TRPV5: variants seen among roughly 807,000 people sequenced by gnomAD.
The protein encoded by TRPV5 is calcium transport protein 2.
In TRPV5, 66 loss-of-function variants were observed where a neutral mutation model predicts 74.1. The ratio of observed to expected loss-of-function variants is 0.89; its 90% CI spans 0.73 to 1.09. The LOEUF is 1.09. TRPV5 is among the 50% of genes least tolerant of loss of function. The probability of loss-of-function intolerance (pLI) is 0.00; values close to 1 mark genes in which losing one functional copy is unlikely to be tolerated. For synonymous variants in TRPV5, 399 were observed against 360.7 expected, an observed-to-expected ratio of 1.11 and a Z score of -1.20; for missense variants, 936 against 930.4, an observed-to-expected ratio of 1.01 and a Z score of -0.08.
chr7:142,930,018 C>T (rs1233323203), intron 3 of TRPV5, 40 bp downstream of exon 3: 1 of 1,613,574 alleles, frequency 6.2e-7, no homozygotes, highest in South Asian at 1.1e-5. Context: ...CACCCTCCAT[C>T]TCAAAGTTTC....
chr7:142,926,785 C>T (rs1376181097), intron 7 of TRPV5, among the ~76,000 whole-genome samples: 1 of 152,188 alleles, frequency 6.6e-6, no homozygotes, highest in Non-Finnish European at 1.5e-5. Flanking sequence ...TGGGATTGTG[C>T]TTTTAATACC....
chr7:142,927,768 TG>T (rs4252422), intron 7 of TRPV5, among the ~76,000 whole-genome samples: 7,471 of 152,318 alleles, frequency 0.049, 277 homozygotes, highest in Non-Finnish European at 0.075. Context: ...ATGAAATTTT[TG>T]CATTTGGACA....
chr7:142,926,101 G>T (rs4252432), intron 7 of TRPV5, among the ~76,000 whole-genome samples: 24 of 152,036 alleles, frequency 1.6e-4, no homozygotes, highest in Non-Finnish European at 3.1e-4. Flanking sequence ...TTGGGGAGAG[G>T]GGAGAATCTA....
rs200576475 is a variant in TRPV5 at position 142,909,490 on chromosome 7, C to T, written c.1895G>A (p.Arg632Gln). 8.1e-6 allele frequency: 13 copies of T among 1,613,688 alleles called. No individual in the cohort carries two copies. In the Admixed American group the frequency reaches 1.0e-4, roughly 12 times the overall value. Residue 632 changes from arginine to glutamine, a missense_variant and splice_region_variant, in exon 14 of 15, where the codon CGG becomes CAG. Physicochemically the swap from Arg to Gln is conservative, Grantham distance 43 (BLOSUM62 1). Coordinates refer to ENST00000265310, the MANE Select transcript of TRPV5 (RefSeq NM_019841.7). ...TTTGCATGTGCACACCATCACTCACCGCAGGAACCAGCGGTCCCCCAGCCC... is the reference window on the plus strand; with the variant it reads ...TTTGCATGTGCACACCATCACTCACTGCAGGAACCAGCGGTCCCCCAGCCC... The part of the protein sequence containing the change: ...EFGLGDRWFL[R>Q]VENHNDQNPL...
intron 10 of TRPV5, 68 bp downstream of exon 10, chr7:142,915,239 G>A: frequency 6.3e-7 from 1 of 1,582,560 alleles, no homozygotes; most frequent in African/African-American, 1.4e-5. Context: ...AGAACTCAGA[G>A]AGTGAGCTGG....
In TRPV5 at chr7:142,915,352, C is replaced by G; in HGVS notation, c.1241G>C (p.Arg414Pro). The G allele has an allele frequency of 6.2e-7, 1 of 1,606,684 alleles. No individual in the cohort carries two copies. The highest frequency in any genetic ancestry group is 1.1e-5 in the South Asian group (1 of 89,954). Residue 414 changes from arginine to proline, a missense_variant, in exon 10 of 15, where the codon CGC (arginine) becomes CCC (proline). Arg to Pro is a moderately radical substitution (Grantham distance 103). Coordinates refer to ENST00000265310, the MANE Select transcript of TRPV5 (RefSeq NM_019841.7). ...CCCAAGAATCGTCTTTCCAAAATAG[C>G]GAGAGGCACCAACCCTGAAGATGTC... ...IPDIFRVGAS[R>P]YFGKTILGGP...
At chr7:142,922,913 CA>C (rs1049301499) in intron 8 of TRPV5, among the ~76,000 whole-genome samples, 18 of 152,292 alleles carry the variant, frequency 1.2e-4, no homozygotes, top group Admixed American at 1.1e-3. Context: ...AGATAGCCCC[CA>C]AATTGGATAG....
At chr7:142,929,197 C>A in intron 4 of TRPV5, 77 bp from the exon 5 acceptor site, 1 of 1,550,296 alleles carries the variant, frequency 6.5e-7, no homozygotes, top group African/African-American at 1.4e-5. Context: ...CAAATAAGGG[C>A]CTCCTCCTCA....
chr7:142,928,437 CA>C (rs1428639810), intron 6 of TRPV5, among the ~76,000 whole-genome samples: 1 of 152,154 alleles, frequency 6.6e-6, no homozygotes, highest in Non-Finnish European at 1.5e-5. Flanking sequence ...AGAAAATAGG[CA>C]AAGGAAGCTA....
intron 1 of TRPV5, 141 bp downstream of exon 1, chr7:142,933,191 G>T: frequency 8.4e-7 from 1 of 1,184,136 alleles, no homozygotes; most frequent in Non-Finnish European, 1.2e-6. Context: ...GTAATTAGGT[G>T]GGCTGGAAGG....
At chr7:142,917,516 G>T (rs1040768649) in intron 8 of TRPV5, among the ~76,000 whole-genome samples, 4 of 152,170 alleles carry the variant, frequency 2.6e-5, no homozygotes, top group African/African-American at 9.7e-5. Flanking sequence ...AGTCACAGCA[G>T]CCATTCCTTC....
In TRPV5 at chr7:142,929,129, A is replaced by G; in HGVS notation, c.488-9T>C. 2.5e-6 allele frequency: 4 copies of G among 1,613,660 alleles called. No individual in the cohort carries two copies. Among genetic ancestry groups the G allele is most frequent in the Non-Finnish European group, 3.4e-6 (4 of 1,179,824 alleles). ...GGACAAAGGGTGCTCCCCTGTGGAC[A>G]CAGAGAGATCCATGGCAGGAGAACG... On this transcript the variant is annotated splice_polypyrimidine_tract_variant and intron_variant, in intron 4 of 14. Coordinates refer to ENST00000265310, the MANE Select transcript of TRPV5 (RefSeq NM_019841.7).
rs140536668 is a variant in TRPV5, at chr7:142,908,575, C to T, written c.2129G>A (p.Gly710Glu). Residue 710 changes from glycine to glutamate, a missense_variant, in exon 15 of 15, where the codon GGG becomes GAG. Physicochemically the swap from Gly to Glu is moderately conservative, Grantham distance 98 (BLOSUM62 -2). Coordinates refer to ENST00000265310, the MANE Select transcript of TRPV5 (RefSeq NM_019841.7). ...GWEILRQNTL[G>E]HLNLGLNLSE... ...AAGGTTCAGTCCAAGATTCAAGTGC[C>T]CCAGGGTGTTTTGACGAAGGATCTC... is the stretch of plus-strand genomic sequence containing the variant. 6.6e-5 allele frequency: 106 copies of T among 1,614,192 alleles called. 1 individual carries two copies. The highest frequency in any genetic ancestry group is 1.8e-4 in the Admixed American group (11 of 60,026).
At chr7:142,920,043 T>G (rs4252461) in intron 8 of TRPV5, among the ~76,000 whole-genome samples, 120,353 of 152,186 alleles carry the variant, frequency 0.79, 50,263 homozygotes, top group East Asian at 0.96. Flanking sequence ...GAATCAAGTG[T>G]TAAGTCTTTG....
In TRPV5 at chr7:142,924,391, T is replaced by TATATATATATATAC. The variant is rs370191401; in HGVS notation, c.1122+1137_1122+1138insGTATATATATATAT. Among the ~76,000 whole-genome samples the TATATATATATATAC allele has an allele frequency of 1.1e-4, 12 of 112,316 alleles. 1 individual carries two copies. The highest frequency in any genetic ancestry group is 5.7e-4 in the African/African-American group (12 of 21,120). The allele number at this position is 112,316 out of a possible 152,430, so 73.7% of individuals were successfully genotyped here. On this transcript the variant is annotated intron_variant, in intron 8 of 14. Coordinates refer to ENST00000265310, the MANE Select transcript of TRPV5 (RefSeq NM_019841.7). ...ATATATATACATATATATATATATA[T>TATATATATATATAC]ACATATACATGTATATATATAAAGG...
chr7:142,917,082 C>CG (rs1302516693), intron 8 of TRPV5, among the ~76,000 whole-genome samples: 8 of 148,072 alleles, frequency 5.4e-5, no homozygotes, highest in South Asian at 2.2e-4. Context: ...TTTTTTTGTG[C>CG]GTTTTTTTTG....
intron 8 of TRPV5, chr7:142,925,280 G>T (rs1389870370): frequency 6.8e-6 from 4 of 584,272 alleles, no homozygotes. Context: ...AAAAGCACAG[G>T]CTTACTCATG....
intron 8 of TRPV5, chr7:142,924,994 G>C: frequency 6.0e-6 from 1 of 165,848 alleles, no homozygotes; most frequent in Non-Finnish European, 1.3e-5. Context: ...GAGCCTCAGA[G>C]AGTATTTACT....
chr7:142,928,930 T>A (rs1354137860), intron 5 of TRPV5, 64 bp from the exon 6 acceptor site: 4 of 1,611,668 alleles, frequency 2.5e-6, no homozygotes, highest in Non-Finnish European at 3.4e-6. Flanking sequence ...CCATCCCCAC[T>A]CTGGGGTCTT....
Sources: gnomAD v4.1 joint callset for allele counts (sites outside exome capture counted in the v4.1 genomes callset) on GRCh38, gnomAD v4.1.1 for gene constraint, MANE v1.5 for transcripts, NCBI Gene and HGNC (gene_info 2026-07-23, HGNC 2026-07-21) for gene names.